The following CAMK1 variants were observed in gnomAD, a reference collection of about 807,000 sequenced individuals.
CAMK1 encodes the protein calcium/calmodulin-dependent protein kinase type 1.
A neutral mutation model predicts 49.1 loss-of-function variants in CAMK1; 39 were observed. The observed-to-expected ratio is 0.79, with a 90% CI of 0.62 to 1.04. The LOEUF is 1.04. CAMK1 is among the 50% of genes least tolerant of loss of function. The pLI is 0.00. For synonymous variants in CAMK1, 192 were observed against 185.2 expected (o/e 1.04, Z -0.30); for missense variants, 457 against 472.2 (o/e 0.97, Z 0.30).
At chr3:9,767,096 CCTT>C (rs1473544324) in intron 2 of CAMK1, among the ~76,000 whole-genome samples, 1 of 152,158 alleles carries the variant, frequency 6.6e-6, no homozygotes, top group East Asian at 1.9e-4. Context: ...CCTGGAATGT[CCTT>C]CTTCCTCTCT....
intron 3 of CAMK1, 91 bp from the exon 4 acceptor site, chr3:9,763,304 G>C: frequency 6.6e-7 from 1 of 1,523,428 alleles, no homozygotes; most frequent in Non-Finnish European, 9.0e-7. Context: ...GAGGCAGGAG[G>C]ATCACTTGGC....
chr3:9,762,009 G>C, intron 5 of CAMK1: 2 of 420,278 alleles, frequency 4.8e-6, no homozygotes, highest in East Asian at 9.2e-5. Flanking sequence ...AGGAATGTTT[G>C]AATGCCTATT....
Position 9,765,746 on chromosome 3 carries a change from G to A in CAMK1, c.215+13C>T, listed in dbSNP as rs765555178. 2 of 1,613,592 alleles carry A rather than the reference G, an allele frequency of 1.2e-6. No homozygotes were observed. Among genetic ancestry groups the A allele is most frequent in the Admixed American group, 1.7e-5 (1 of 60,010 alleles). On this transcript the variant is annotated intron_variant, in intron 3 of 11. Coordinates refer to ENST00000256460, the MANE Select transcript of CAMK1 (RefSeq NM_003656.5). ...GGTCAGCTTGGGGCAGGGAAAGGCT[G>A]TGGCCCACGCACTTGTGCAGGACAG...
In CAMK1 at chr3:9,761,549, G is replaced by T. The variant is rs766000241; in HGVS notation, c.557-13C>A. On this transcript the variant is annotated splice_polypyrimidine_tract_variant and intron_variant, in intron 6 of 11. Transcript: ENST00000256460. The stretch of plus-strand genomic sequence containing the variant: ...AGGACTTCAGGGGCTGTGGAGGGAA[G>T]AGGACGTGGTGGTGACAAATCTCTG... 6.2e-7 allele frequency: 1 copy of T among 1,613,486 alleles called. No homozygotes were observed. The highest frequency in any genetic ancestry group is 2.2e-5 in the East Asian group (1 of 44,848).
chr3:9,758,019 T>TAC (rs148476977), intron 10 of CAMK1, 173 bp from the exon 11 acceptor site: 16 of 946,952 alleles, frequency 1.7e-5, no homozygotes, highest in East Asian at 5.4e-5. Context: ...ATTATATATT[T>TAC]ACACACACAC....
intron 7 of CAMK1, chr3:9,761,195 T>G: frequency 2.4e-6 from 1 of 425,072 alleles, no homozygotes; most frequent in Non-Finnish European, 4.2e-6. Context: ...GTTGATTGTC[T>G]GTCTTCCCTA....
chr3:9,763,136 C>G lies in CAMK1; in HGVS notation c.290+3G>C, dbSNP rs747803654. On this transcript the variant is annotated splice_donor_region_variant and intron_variant, in intron 4 of 11. Coordinates refer to ENST00000256460, the MANE Select transcript of CAMK1 (RefSeq NM_003656.5). ...GGGGCAGGGCAGAGGTTGGGCCACTCACAGCTGCATGATGAGGTAGAGGTG... is the reference window on the plus strand; with the variant it reads ...GGGGCAGGGCAGAGGTTGGGCCACTGACAGCTGCATGATGAGGTAGAGGTG... 3 of 1,613,996 alleles carry G rather than the reference C, an allele frequency of 1.9e-6. No homozygotes were observed. Among genetic ancestry groups the G allele is most frequent in the Non-Finnish European group, 2.5e-6 (3 of 1,180,038 alleles).
chr3:9,762,824 G>T (rs2125582326), intron 5 of CAMK1, 90 bp downstream of exon 5: 2 of 1,264,762 alleles, frequency 1.6e-6, no homozygotes, highest in South Asian at 1.3e-5. Context: ...CTCAGTGAGG[G>T]GGTGAAAGTT....
chr3:9,757,909 G>C lies in CAMK1; in HGVS notation c.913-63C>G. The C allele has an allele frequency of 6.5e-7, 1 of 1,538,576 alleles. No individual in the cohort carries two copies. The highest frequency in any genetic ancestry group is 1.4e-5 in the African/African-American group (1 of 72,846). ...ACTTTTGAGAGAGTCAAGTCATGGG[G>C]CAGGGGCGCAGTGGGATTCTTGCAA... On this transcript the variant is annotated intron_variant, in intron 10 of 11. Coordinates refer to ENST00000256460, the MANE Select transcript of CAMK1 (RefSeq NM_003656.5). This position sits in a 1 kb window ranked among gnomAD's most constrained non-coding sequence, Gnocchi z 4.5.
At chr3:9,762,612 GTC>G (rs1288531206) in intron 5 of CAMK1, among the ~76,000 whole-genome samples, 1 of 151,978 alleles carries the variant, frequency 6.6e-6, no homozygotes. Context: ...TGATCCACCC[GTC>G]TCTGCCTCCT....
chr3:9,767,613 C>A, intron 2 of CAMK1, 54 bp downstream of exon 2: 1 of 1,611,040 alleles, frequency 6.2e-7, no homozygotes, highest in East Asian at 2.2e-5. Context: ...GGAAGCCCCA[C>A]CCTGGACTCA....
At chr3:9,763,868 C>G (rs764759668) in intron 3 of CAMK1, among the ~76,000 whole-genome samples, 1 of 152,174 alleles carries the variant, frequency 6.6e-6, no homozygotes, top group Non-Finnish European at 1.5e-5. Context: ...TGCCTGTAAT[C>G]CCAGCTATCT....
intron 3 of CAMK1, among the ~76,000 whole-genome samples, chr3:9,763,648 C>T (rs116618192): frequency 0.041 from 6,238 of 152,180 alleles, 154 homozygotes; most frequent in Middle Eastern, 0.068. Flanking sequence ...GGGTGCAGAT[C>T]TTTTCACCAG....
At chr3:9,764,676 TGGAGTGTAATGCAC>T (rs1356445057) in intron 3 of CAMK1, among the ~76,000 whole-genome samples, 3 of 137,352 alleles carry the variant, frequency 2.2e-5, no homozygotes, top group African/African-American at 8.1e-5. Context: ...TTGCCTAGGC[TGGAGTGTAATGCAC>T]GGTGTGATCT....
At position 9,763,246 on chromosome 3, in the gene CAMK1, A is replaced by G. The variant is rs777432786; in HGVS notation, c.216-33T>C. ...GAGAAATGAGGTGGTTTAGCCAGGC[A>G]TGGCGGTGTGCACCTGTAGTCCAAG... On this transcript the variant is annotated intron_variant, in intron 3 of 11. Coordinates refer to ENST00000256460, the MANE Select transcript of CAMK1 (RefSeq NM_003656.5). 4.3e-6 allele frequency: 7 copies of G among 1,613,250 alleles called. No individual in the cohort carries two copies. The South Asian group carries it at 7.7e-5, about 18-fold the overall frequency.
chr3:9,766,480 CA>C (rs369221335), intron 2 of CAMK1: 117 of 349,212 alleles, frequency 3.4e-4, no homozygotes, highest in African/African-American at 7.9e-4. Flanking sequence ...GATCCTGGGT[CA>C]AAAAAAAGAA....
intron 1 of CAMK1, among the ~76,000 whole-genome samples, chr3:9,768,951 A>C (rs1266658050): frequency 6.6e-6 from 1 of 150,866 alleles, no homozygotes; most frequent in Admixed American, 6.6e-5. Context: ...AGGCCTACCA[A>C]ATACAACCCT....
chr3:9,760,642 A>G lies in CAMK1; in HGVS notation c.745+14T>C, dbSNP rs372672840. 3 of 1,613,696 alleles carry G rather than the reference A, an allele frequency of 1.9e-6. No individual in the cohort carries two copies. The highest frequency in any genetic ancestry group is 2.5e-6 in the Non-Finnish European group (3 of 1,179,738). ...GAGGCAGGGCCCAGGGGAAAAAAGCAAAGCCCCAAATACCAGAGTCAGAGA... is the reference window on the plus strand; with the variant it reads ...GAGGCAGGGCCCAGGGGAAAAAAGCGAAGCCCCAAATACCAGAGTCAGAGA... On this transcript the variant is annotated intron_variant, in intron 8 of 11. Coordinates refer to ENST00000256460, the MANE Select transcript of CAMK1 (RefSeq NM_003656.5).
intron 2 of CAMK1, 110 bp downstream of exon 2, chr3:9,767,557 C>A (rs2078188363): frequency 5.6e-6 from 8 of 1,418,402 alleles, no homozygotes; most frequent in Admixed American, 3.6e-5. Flanking sequence ...GATAGTGCTG[C>A]CACAGGGCCT....
Sources: allele counts gnomAD v4.1 joint callset (sites outside exome capture counted in the v4.1 genomes callset), GRCh38; gene constraint gnomAD v4.1.1; non-coding constraint Gnocchi (gnomAD v3.1); transcripts MANE v1.5; gene names NCBI Gene and HGNC (gene_info 2026-07-23, HGNC 2026-07-21).